Variants in STX17 observed in about 807,000 individuals in gnomAD.
The protein encoded by STX17 is syntaxin-17.
In STX17, 29 loss-of-function variants were observed where a neutral mutation model predicts 35.9. The ratio of observed to expected loss-of-function variants is 0.81; its 90% CI spans 0.60 to 1.10. The LOEUF (loss-of-function observed/expected upper bound fraction) is 1.10, where lower values mean the gene tolerates loss of function less well. Ranked by LOEUF, STX17 falls within the 50% of genes least tolerant of loss-of-function variation. The probability of loss-of-function intolerance (pLI) is 0.00; values close to 1 mark genes in which losing one functional copy is unlikely to be tolerated. For missense variants in STX17, 312 were observed against 352.3 expected (o/e 0.89, Z 0.92); for synonymous variants, 92 against 118.3 (o/e 0.78, Z 1.44).
At chr9:99,940,119 G>A (rs1350823740) in intron 3 of STX17, among the ~76,000 whole-genome samples, 1 of 151,954 alleles carries the variant, frequency 6.6e-6, no homozygotes, top group East Asian at 1.9e-4. Flanking sequence ...TTTCTTATCA[G>A]ATTAACTTAT....
At chr9:99,950,781 T>C (rs940224891) in intron 3 of STX17, among the ~76,000 whole-genome samples, 2 of 151,978 alleles carry the variant, frequency 1.3e-5, no homozygotes, top group Non-Finnish European at 2.9e-5. Context: ...TTTCATATGC[T>C]TCTGTAGTGT....
At chr9:99,918,322 G>T (rs1264051607) in intron 2 of STX17, among the ~76,000 whole-genome samples, 1 of 151,916 alleles carries the variant, frequency 6.6e-6, no homozygotes, top group Non-Finnish European at 1.5e-5. Context: ...GTAGAGACGG[G>T]GTCTCACTAT....
chr9:99,957,011 G>A (rs572405572), intron 4 of STX17, among the ~76,000 whole-genome samples: 2 of 152,254 alleles, frequency 1.3e-5, no homozygotes, highest in Admixed American at 6.5e-5. Context: ...GCTCTCTTTG[G>A]TGTGCCAGAT....
chr9:99,914,213 A>G (rs1467985060), intron 1 of STX17: 3 of 152,220 alleles, frequency 2.0e-5, no homozygotes, highest in African/African-American at 4.8e-5. Context: ...CAGTATTAAC[A>G]TACTCAACTT....
At chr9:99,968,380 A>C (rs1408527852) in intron 7 of STX17, 54 bp from the exon 8 acceptor site, 1 of 1,513,200 alleles carries the variant, frequency 6.6e-7, no homozygotes, top group Non-Finnish European at 8.8e-7. Context: ...GCACATCACC[A>C]CAGGCAGATA....
chr9:99,961,951 C>A (rs935449705), intron 6 of STX17, among the ~76,000 whole-genome samples: 3 of 152,102 alleles, frequency 2.0e-5, no homozygotes, highest in African/African-American at 4.8e-5. Context: ...ATAATAACTT[C>A]TTTTTGGCAT....
intron 3 of STX17, chr9:99,945,681 CTTG>C (rs1160566721): frequency 2.8e-6 from 1 of 357,122 alleles, no homozygotes; most frequent in East Asian, 9.9e-5. Context: ...TTGTATTGAT[CTTG>C]TTTTTTTTAA....
At position 99,923,913 on chromosome 9, in the gene STX17, C is replaced by G. The variant is rs149974801; in HGVS notation, c.124-4865C>G. Among the ~76,000 whole-genome samples, 20 of 152,244 alleles carry G rather than the reference C, an allele frequency of 1.3e-4. 1 individual carries two copies. The Middle Eastern group carries it at 0.017, about 129-fold the overall frequency. ...GGGAATGGGTGCAGAGCTTCCATGT[C>G]CTCCCTGGAGACACCACCCTTCAGG... On this transcript the variant is annotated intron_variant, in intron 2 of 7. Coordinates refer to ENST00000259400, the MANE Select transcript of STX17 (RefSeq NM_017919.3).
Position 99,971,334 on chromosome 9 carries a change from G to T in STX17, c.*2661G>T, listed in dbSNP as rs368005658. Among the ~76,000 whole-genome samples, 1 of 150,658 alleles carries T rather than the reference G, an allele frequency of 6.6e-6. No homozygotes were observed. The highest frequency in any genetic ancestry group is 2.4e-5 in the African/African-American group (1 of 41,022). On this transcript the variant is annotated 3_prime_UTR_variant, in exon 8 of 8. Coordinates refer to ENST00000259400, the MANE Select transcript of STX17 (RefSeq NM_017919.3). ...AATCTGAGAATTTCTCTGTAGAGCA[G>T]AGACTTTCAAACCTTTTGGCTGTAA...
In STX17 at chr9:99,922,417, C is replaced by T. The variant is rs1828907133; in HGVS notation, c.124-6361C>T. The stretch of plus-strand genomic sequence containing the variant: ...CAACGCCTATCTGTATTTCCAATGC[C>T]TGTCACATAGTACGTGCTCAATGGA... On this transcript the variant is annotated intron_variant, in intron 2 of 7. Coordinates refer to ENST00000259400, the MANE Select transcript of STX17 (RefSeq NM_017919.3). 3.3e-5 allele frequency among the ~76,000 whole-genome samples: 5 copies of T among 152,204 alleles called. No individual in the cohort carries two copies. The South Asian group carries it at 1.0e-3, about 32-fold the overall frequency.
At chr9:99,919,897 T>G (rs1338353883) in intron 2 of STX17, among the ~76,000 whole-genome samples, 1 of 152,214 alleles carries the variant, frequency 6.6e-6, no homozygotes, top group Non-Finnish European at 1.5e-5. Context: ...GCATGGGCTA[T>G]TCAAGCAACA....
rs550650887 is a variant in STX17, at chr9:99,928,842, A to T, written c.188A>T (p.Gln63Leu). The change falls in exon 3 of 8, where the codon CAG (glutamine) becomes CTG (leucine). Residue 63 changes from glutamine to leucine, a missense_variant and splice_region_variant. Gln to Leu is a moderately radical substitution (Grantham distance 113, BLOSUM62 -2). Transcript: ENST00000259400. ...EEHINAGRTV[Q>L]QLRSNIREIE... The stretch of plus-strand genomic sequence containing the variant: ...CATATCAATGCAGGACGTACAGTTC[A>T]GGTAAGGCTATTATATTTTTTCTGC... The T allele has an allele frequency of 1.2e-6, 2 of 1,612,764 alleles. No individual in the cohort carries two copies. The highest frequency in any genetic ancestry group is 2.7e-5 in the African/African-American group (2 of 75,038).
At chr9:99,911,178 G>A (rs1223458061) in intron 1 of STX17, among the ~76,000 whole-genome samples, 1 of 152,118 alleles carries the variant, frequency 6.6e-6, no homozygotes, top group Admixed American at 6.5e-5. Context: ...TGGGAATACA[G>A]GTGCATGCCA....
rs541520841 is a variant in STX17 at position 99,961,197 on chromosome 9, C to A, written c.582+1042C>A. 7.0e-4 allele frequency among the ~76,000 whole-genome samples: 106 copies of A among 152,288 alleles called. 1 individual carries two copies. The highest frequency in any genetic ancestry group is 1.9e-3 in the Admixed American group (29 of 15,298). ...AGAAAGCCTAATACTGATTCTTGAG[C>A]AGGTTAGAGTCATGCAATTCAGTCT... On this transcript the variant is annotated intron_variant, in intron 6 of 7. Coordinates refer to ENST00000259400, the MANE Select transcript of STX17 (RefSeq NM_017919.3).
rs574642440 is a variant in STX17, at chr9:99,952,633, A to G, written c.415+1348A>G. On this transcript the variant is annotated intron_variant, in intron 4 of 7. Transcript: ENST00000259400. ...TAGCAAAGACTTGGAACCAACCCAAATGTCCAACAATGATCGACTGGATTA... is the reference window on the plus strand; with the variant it reads ...TAGCAAAGACTTGGAACCAACCCAAGTGTCCAACAATGATCGACTGGATTA... Among the ~76,000 whole-genome samples, 26 of 152,306 alleles carry G rather than the reference A, an allele frequency of 1.7e-4. No individual in the cohort carries two copies. In the South Asian group the frequency reaches 5.4e-3, roughly 32 times the overall value.
intron 6 of STX17, among the ~76,000 whole-genome samples, chr9:99,966,629 A>G (rs140742040): frequency 2.6e-5 from 4 of 152,294 alleles, no homozygotes; most frequent in African/African-American, 9.6e-5. Context: ...CAAAACCAAA[A>G]TAGTCTGTAA....
At chr9:99,961,446 T>C (rs1232589059) in intron 6 of STX17, among the ~76,000 whole-genome samples, 1 of 152,186 alleles carries the variant, frequency 6.6e-6, no homozygotes, top group East Asian at 1.9e-4. Flanking sequence ...TCTGCATAAT[T>C]GGGTGTCAGT....
intron 6 of STX17, chr9:99,967,410 C>T (rs189147796): frequency 1.1e-4 from 38 of 339,318 alleles, no homozygotes; most frequent in East Asian, 7.5e-4. Flanking sequence ...TGAATTTTAG[C>T]GTGAGATGCT....
chr9:99,960,586 G>A (rs1485974908), intron 6 of STX17, among the ~76,000 whole-genome samples: 3 of 152,134 alleles, frequency 2.0e-5, no homozygotes, highest in African/African-American at 7.2e-5. Flanking sequence ...TGGGATTACA[G>A]GCACGTGCCA....
Sources: allele counts gnomAD v4.1 joint callset (sites outside exome capture counted in the v4.1 genomes callset), GRCh38; gene constraint gnomAD v4.1.1; transcripts MANE v1.5; gene names NCBI Gene and HGNC (gene_info 2026-07-23, HGNC 2026-07-21).